KHDC4: variants seen among roughly 807,000 people sequenced by gnomAD.
The protein encoded by KHDC4 is KH homology domain-containing protein 4.
Under a neutral mutation model 74.5 loss-of-function variants are expected in KHDC4, and 19 were observed. That is an observed-to-expected ratio of 0.26 (90% CI 0.18 to 0.37). KHDC4 has a LOEUF of 0.37. Ranked by LOEUF, KHDC4 falls within the 10% of genes least tolerant of loss-of-function variation. The pLI, the probability that KHDC4 is intolerant of heterozygous loss-of-function variation, is 1.00. For missense variants in KHDC4, 632 were observed against 754.1 expected (o/e 0.84, Z 1.90); for synonymous variants, 253 against 266.1 (o/e 0.95, Z 0.48).
chr1:155,931,870 A>G (rs934870097), intron 2 of KHDC4, among the ~76,000 whole-genome samples: 2 of 152,206 alleles, frequency 1.3e-5, no homozygotes, highest in Admixed American at 1.3e-4. Context: ...ATTCATTTAC[A>G]TTATCATCTC....
intron 13 of KHDC4, 55 bp downstream of exon 13, chr1:155,915,818 T>C (rs1673719309): frequency 8.5e-7 from 1 of 1,172,190 alleles, no homozygotes; most frequent in Middle Eastern, 1.9e-4. Context: ...AGAAAACTAA[T>C]AGCTTTAGAC....
chr1:155,925,405 T>A (rs2102604171), intron 7 of KHDC4, among the ~76,000 whole-genome samples: 1 of 152,130 alleles, frequency 6.6e-6, no homozygotes, highest in African/African-American at 2.4e-5. Context: ...TGGGCTCAAG[T>A]GGTCCTACGC....
chr1:155,921,200 A>G, intron 10 of KHDC4, 175 bp downstream of exon 10: 1 of 663,190 alleles, frequency 1.5e-6, no homozygotes, highest in Non-Finnish European at 2.6e-6. Context: ...AGGATGACAT[A>G]CACACATACA....
rs958558843 is a variant in KHDC4, at chr1:155,934,375, G to T, written c.-2C>A. The T allele has an allele frequency of 2.5e-6, 4 of 1,611,852 alleles. No homozygotes were observed. Among genetic ancestry groups the T allele is most frequent in the Non-Finnish European group, 3.4e-6 (4 of 1,179,910 alleles). On this transcript the variant is annotated 5_prime_UTR_variant, in exon 1 of 14. Coordinates refer to ENST00000368321, the MANE Select transcript of KHDC4 (RefSeq NM_014949.4). Reference sequence around the variant, plus strand: ...ATGTGTCGCGCTCCCCGCGGACATGGCGACCGCTTCTACTCAACCACCCGC... The same window carrying T: ...ATGTGTCGCGCTCCCCGCGGACATGTCGACCGCTTCTACTCAACCACCCGC...
At chr1:155,919,979 T>A (rs1673820650) in intron 10 of KHDC4, 1 of 518,354 alleles carries the variant, frequency 1.9e-6, no homozygotes. Context: ...AGGCTGCCAT[T>A]TGCTATGGCA....
At chr1:155,920,543 C>T (rs1673840356) in intron 10 of KHDC4, among the ~76,000 whole-genome samples, 1 of 152,092 alleles carries the variant, frequency 6.6e-6, no homozygotes, top group Admixed American at 6.6e-5. Context: ...CATAATGTTG[C>T]TTTTTAAAAT....
At chr1:155,920,120 T>C (rs929658641) in intron 10 of KHDC4, 3 of 315,434 alleles carry the variant, frequency 9.5e-6, no homozygotes, top group Non-Finnish European at 2.0e-5. Flanking sequence ...ACATCTACTC[T>C]TTTCCTAAAA....
chr1:155,917,705 G>A (rs1032230063), intron 10 of KHDC4, 33 bp from the exon 11 acceptor site: 2 of 1,433,752 alleles, frequency 1.4e-6, no homozygotes, highest in Middle Eastern at 2.5e-4. Context: ...AAGAAAAAAA[G>A]TGTGAGAATG....
intron 7 of KHDC4, 28 bp from the exon 8 acceptor site, chr1:155,923,715 G>A: frequency 6.4e-7 from 1 of 1,564,910 alleles, no homozygotes; most frequent in Non-Finnish European, 8.8e-7. Context: ...GGAATTCAAA[G>A]GAGAGAAAAA....
At chr1:155,932,018 A>C (rs1022201138) in intron 2 of KHDC4, among the ~76,000 whole-genome samples, 2 of 152,240 alleles carry the variant, frequency 1.3e-5, no homozygotes, top group African/African-American at 4.8e-5. Context: ...GCAGGTGGCT[A>C]ATGTGACTAA....
chr1:155,917,772 A>G, intron 10 of KHDC4, 100 bp from the exon 11 acceptor site: 1 of 1,062,254 alleles, frequency 9.4e-7, no homozygotes, highest in Admixed American at 3.1e-5. Flanking sequence ...TAAGTATCAT[A>G]TGAATTTTGC....
intron 2 of KHDC4, among the ~76,000 whole-genome samples, chr1:155,930,220 A>C (rs1247302073): frequency 6.6e-6 from 1 of 152,068 alleles, no homozygotes. Flanking sequence ...GCTGAGATAA[A>C]GCCTTTTAGT....
At chr1:155,933,603 A>G in intron 2 of KHDC4, 30 bp downstream of exon 2, 1 of 1,549,066 alleles carries the variant, frequency 6.5e-7, no homozygotes. Flanking sequence ...TTAAATTCGC[A>G]ATTAGTGGAG....
At chr1:155,917,837 C>G (rs1673766433) in intron 10 of KHDC4, among the ~76,000 whole-genome samples, 165 bp from the exon 11 acceptor site, 1 of 152,176 alleles carries the variant, frequency 6.6e-6, no homozygotes, top group African/African-American at 2.4e-5. Context: ...ATCACCTAAG[C>G]CTTCTCACCT....
chr1:155,926,902 T>C (rs1357590275), intron 5 of KHDC4, 63 bp from the exon 6 acceptor site: 2 of 1,569,330 alleles, frequency 1.3e-6, no homozygotes, highest in Non-Finnish European at 1.8e-6. Context: ...GGCAGGCCAG[T>C]GTTCAATTAT....
chr1:155,914,085 G>C lies in KHDC4; in HGVS notation c.*36C>G. On this transcript the variant is annotated 3_prime_UTR_variant, in exon 14 of 14. Transcript: ENST00000368321. ...CAAATGCATGCATTATTGCTAAGAA[G>C]AGTCACTGAGGGTCAAAACTCTGTT... The C allele has an allele frequency of 6.5e-7, 1 of 1,530,984 alleles. No individual in the cohort carries two copies. Among genetic ancestry groups the C allele is most frequent in the Non-Finnish European group, 9.1e-7 (1 of 1,104,436 alleles). The allele number at this position is 1,530,984 out of a possible 1,614,324, so 94.8% of individuals were successfully genotyped here.
At chr1:155,932,105 T>C (rs1185157212) in intron 2 of KHDC4, among the ~76,000 whole-genome samples, 1 of 152,220 alleles carries the variant, frequency 6.6e-6, no homozygotes, top group Admixed American at 6.5e-5. Flanking sequence ...CTCACAGATA[T>C]GGAGCCTGAG....
rs772410820 is a variant in KHDC4, at chr1:155,934,411, A to G, written c.-38T>C. On this transcript the variant is annotated 5_prime_UTR_variant, in exon 1 of 14. Transcript: ENST00000368321. ...TACTCAACCACCCGCCAACTATCCG[A>G]CTACCACCTCTCGTCACTTCCGCCC... is the stretch of plus-strand genomic sequence containing the variant. 14 of 1,607,748 alleles carry G rather than the reference A, an allele frequency of 8.7e-6. No individual in the cohort carries two copies. Among genetic ancestry groups the G allele is most frequent in the Non-Finnish European group, 8.5e-7 (1 of 1,177,202 alleles).
At chr1:155,925,949 A>G in intron 6 of KHDC4, 106 bp from the exon 7 acceptor site, 2 of 995,276 alleles carry the variant, frequency 2.0e-6, no homozygotes, top group Non-Finnish European at 3.2e-6. Context: ...CTCCTGTAAA[A>G]CTGGGGTAGA....
Sources: gnomAD v4.1 joint callset for allele counts (sites outside exome capture counted in the v4.1 genomes callset) on GRCh38, gnomAD v4.1.1 for gene constraint, MANE v1.5 for transcripts, NCBI Gene and HGNC (gene_info 2026-07-23, HGNC 2026-07-21) for gene names.